Variants in KDM5B observed in about 807,000 individuals in gnomAD.
The protein encoded by KDM5B is lysine-specific demethylase 5B.
In KDM5B, 144 loss-of-function variants were observed where a neutral mutation model predicts 193.4. The ratio of observed to expected loss-of-function variants is 0.74; its 90% CI spans 0.65 to 0.86. The LOEUF is 0.86. Ranked by LOEUF, KDM5B falls within the 40% of genes least tolerant of loss-of-function variation. KDM5B has a pLI of 0.00. For missense variants in KDM5B, 1,833 were observed against 1,886.9 expected (o/e 0.97, Z 0.53); for synonymous variants, 668 against 682.6 (o/e 0.98, Z 0.33).
chr1:202,729,157 C>T lies in KDM5B; in HGVS notation c.4514G>A (p.Cys1505Tyr). ...PEGDEVDWVQ[C>Y]DGSCNQWFHQ... is the part of the protein sequence containing the mutation. ...AAACCACTGATTGCAGCTGCCATCA[C>T]ACTGGACCCAGTCCACCTGGTTACA... The change falls in exon 27 of 27, where the codon TGT (cysteine) becomes TAT (tyrosine). Residue 1505 changes from cysteine to tyrosine, a missense_variant. By Grantham distance (194) the Cys-to-Tyr change is radical. This residue lies in a region of KDM5B where 1,379 missense variants were observed against 1,349.6 expected (regional missense o/e 1.02). Transcript: ENST00000367265. The T allele has an allele frequency of 6.2e-7, 1 of 1,614,146 alleles. No homozygotes were observed. Among genetic ancestry groups the T allele is most frequent in the Middle Eastern group, 1.7e-4 (1 of 6,060 alleles).
chr1:202,773,432 C>T (rs1656804624), intron 3 of KDM5B, 144 bp from the exon 4 acceptor site: 135 of 598,882 alleles, frequency 2.3e-4, no homozygotes, highest in South Asian at 4.4e-4. Flanking sequence ...CACACACACA[C>T]ATATATATAC....
rs949639090 is a variant in KDM5B at position 202,748,809 on chromosome 1, A to C, written c.2016+136T>G. ...TGAATAAAAATTAAAACCACGAGATACTACTATACATCTATTACAATGGCC... is the reference window on the plus strand; with the variant it reads ...TGAATAAAAATTAAAACCACGAGATCCTACTATACATCTATTACAATGGCC... On this transcript the variant is annotated intron_variant, in intron 14 of 26. Transcript: ENST00000367265. 6 of 623,806 alleles carry C rather than the reference A, an allele frequency of 9.6e-6. No individual in the cohort carries two copies. The highest frequency in any genetic ancestry group is 1.3e-5 in the Non-Finnish European group (5 of 370,550). The allele number at this position is 623,806 out of a possible 1,614,324, so 38.6% of individuals were successfully genotyped here. A position where few individuals can be genotyped will look rare whatever the true frequency, so the allele number is the denominator to read the frequency against.
chr1:202,767,120 T>C (rs1293248580), intron 4 of KDM5B, 60 bp from the exon 5 acceptor site: 108 of 1,602,164 alleles, frequency 6.7e-5, no homozygotes, highest in East Asian at 1.1e-4. Flanking sequence ...CATAAGTTTA[T>C]TGACAAACAT....
At chr1:202,801,781 AGTT>A (rs1658086050) in intron 1 of KDM5B, among the ~76,000 whole-genome samples, 1 of 152,220 alleles carries the variant, frequency 6.6e-6, no homozygotes. Flanking sequence ...TTATAAATCC[AGTT>A]ATTAGTATCT....
At chr1:202,731,393 C>T (rs994351367) in intron 24 of KDM5B, among the ~76,000 whole-genome samples, 2 of 152,204 alleles carry the variant, frequency 1.3e-5, no homozygotes, top group Admixed American at 6.5e-5. Flanking sequence ...AGACTGATGG[C>T]CACAGTGTCA....
chr1:202,798,478 C>T (rs1426907858), intron 1 of KDM5B, among the ~76,000 whole-genome samples: 1 of 151,410 alleles, frequency 6.6e-6, no homozygotes, highest in East Asian at 1.9e-4. Context: ...TTTGGGGTTG[C>T]GGGGTGCGGT....
intron 1 of KDM5B, among the ~76,000 whole-genome samples, chr1:202,785,389 CAGTG>C (rs760710161): frequency 1.3e-4 from 20 of 152,208 alleles, no homozygotes; most frequent in African/African-American, 4.6e-4. Context: ...TTTTAAAACA[CAGTG>C]AGGCCATTTA....
intron 6 of KDM5B, 104 bp from the exon 7 acceptor site, chr1:202,762,912 G>T: frequency 1.4e-6 from 1 of 698,722 alleles, no homozygotes; most frequent in Non-Finnish European, 2.6e-6. Flanking sequence ...TTTCATGTGT[G>T]TTTTCACATT....
chr1:202,764,604 C>CA (rs1389466123), intron 5 of KDM5B, among the ~76,000 whole-genome samples: 1 of 152,044 alleles, frequency 6.6e-6, no homozygotes, highest in Admixed American at 6.6e-5. Context: ...CATTGCACTC[C>CA]AGCCTGGGTG....
At chr1:202,750,522 A>G in intron 13 of KDM5B, 137 bp downstream of exon 13, 1 of 758,666 alleles carries the variant, frequency 1.3e-6, no homozygotes, top group Non-Finnish European at 2.0e-6. Flanking sequence ...TGATCTGCCC[A>G]CCTTGGCTTC....
At chr1:202,778,504 A>G (rs1055165719) in intron 1 of KDM5B, among the ~76,000 whole-genome samples, 8 of 152,222 alleles carry the variant, frequency 5.3e-5, no homozygotes, top group African/African-American at 1.9e-4. Context: ...CTGTATCCTT[A>G]AAAATGGTTA....
chr1:202,764,695 G>A (rs1656377833), intron 5 of KDM5B, among the ~76,000 whole-genome samples: 1 of 152,058 alleles, frequency 6.6e-6, no homozygotes, highest in South Asian at 2.1e-4. Flanking sequence ...AGAACAAATT[G>A]TGGCTGGGCG....
In KDM5B at chr1:202,782,678, T is replaced by C. The variant is rs528660346; in HGVS notation, c.205-5584A>G. 3.9e-5 allele frequency among the ~76,000 whole-genome samples: 6 copies of C among 152,292 alleles called. No homozygotes were observed. The East Asian group carries it at 1.2e-3, about 29-fold the overall frequency. ...TAATGTTTAACTTGATGCTTAAGTG[T>C]CTAAAAGGAATATAATGTAAGCTGG... On this transcript the variant is annotated intron_variant, in intron 1 of 26. Coordinates refer to ENST00000367265, the MANE Select transcript of KDM5B (RefSeq NM_006618.5).
intron 22 of KDM5B, 56 bp downstream of exon 22, chr1:202,735,373 G>C: frequency 1.3e-6 from 2 of 1,542,280 alleles, no homozygotes; most frequent in South Asian, 2.4e-5. Flanking sequence ...AACAGAAAGG[G>C]TTAGAAATTA....
chr1:202,761,975 C>T (rs1230652474), intron 7 of KDM5B, among the ~76,000 whole-genome samples: 2 of 151,758 alleles, frequency 1.3e-5, no homozygotes, highest in East Asian at 3.9e-4. Flanking sequence ...GGGGGTGGGG[C>T]AGAAGGTGAC....
At chr1:202,733,911 A>C in intron 22 of KDM5B, 25 bp from the exon 23 acceptor site, 1 of 1,586,006 alleles carries the variant, frequency 6.3e-7, no homozygotes, top group Non-Finnish European at 8.6e-7. Context: ...ACAATCAAGG[A>C]TGATGTCCGA....
intron 1 of KDM5B, among the ~76,000 whole-genome samples, chr1:202,801,449 A>G (rs1432670709): frequency 6.6e-6 from 1 of 152,202 alleles, no homozygotes; most frequent in Admixed American, 6.5e-5. Context: ...TGTTCCAAAC[A>G]TCCTACAATT....
In KDM5B at chr1:202,767,068, TAAC is replaced by T; in HGVS notation, c.577-11_577-9del. 1 of 1,608,536 alleles carries T rather than the reference TAAC, an allele frequency of 6.2e-7. No homozygotes were observed. Among genetic ancestry groups the T allele is most frequent in the Non-Finnish European group, 8.5e-7 (1 of 1,178,752 alleles). On this transcript the variant is annotated splice_polypyrimidine_tract_variant and intron_variant, in intron 4 of 26. Coordinates refer to ENST00000367265, the MANE Select transcript of KDM5B (RefSeq NM_006618.5). ...GTTTGGCTTCTGCAAACACTAGAAATAACAACTGTACTGATAAATTCCCTCCTT... is the reference window on the plus strand; with the variant it reads ...GTTTGGCTTCTGCAAACACTAGAAATAACTGTACTGATAAATTCCCTCCTT...
chr1:202,762,817 G>A lies in KDM5B; in HGVS notation c.809-9C>T, dbSNP rs754772136. The A allele has an allele frequency of 1.1e-4, 159 of 1,502,036 alleles. No homozygotes were observed. The highest frequency in any genetic ancestry group is 1.4e-4 in the Non-Finnish European group (149 of 1,079,104). The allele number at this position is 1,502,036 out of a possible 1,614,324, so 93.0% of individuals were successfully genotyped here. A position where few individuals can be genotyped will look rare whatever the true frequency, so the allele number is the denominator to read the frequency against. ...ACTCTTCATTTCTTTCTCTGTAGGA[G>A]GCAATCCAAAATTAGCTCTTTATGA... On this transcript the variant is annotated splice_polypyrimidine_tract_variant and intron_variant, in intron 6 of 26. Coordinates refer to ENST00000367265, the MANE Select transcript of KDM5B (RefSeq NM_006618.5).
Sources: allele counts gnomAD v4.1 joint callset (sites outside exome capture counted in the v4.1 genomes callset), GRCh38; gene constraint gnomAD v4.1.1; regional missense constraint gnomAD v4.1.1; transcripts MANE v1.5; gene names NCBI Gene and HGNC (gene_info 2026-07-23, HGNC 2026-07-21).